LINGO2: variants seen among roughly 807,000 people sequenced by gnomAD.
LINGO2 encodes the protein leucine rich repeat and Ig domain containing 2, also known as leucine-rich repeat and immunoglobulin-like domain-containing nogo receptor-interacting protein 2.
In LINGO2, 14 loss-of-function variants were observed where a neutral mutation model predicts 30.6. The ratio of observed to expected loss-of-function variants is 0.46; its 90% CI spans 0.30 to 0.72. The LOEUF is 0.72. Among genes scored for constraint, LINGO2 ranks in the 30% least tolerant of loss-of-function variants. The pLI is 0.07. For synonymous variants in LINGO2, 317 were observed against 288.5 expected, an observed-to-expected ratio of 1.10 and a Z score of -1.00; for missense variants, 729 against 751.7, an observed-to-expected ratio of 0.97 and a Z score of 0.35.
intron 4 of LINGO2, among the ~76,000 whole-genome samples, chr9:28,136,834 G>A (rs1378830391): frequency 1.3e-5 from 2 of 152,148 alleles, no homozygotes; most frequent in Non-Finnish European, 2.9e-5. Context: ...ATTAACATTT[G>A]AACTGGTAAA....
the LINGO2 span, among the ~76,000 whole-genome samples, chr9:28,848,389 G>GTATATATA: frequency 7.7e-5 from 4 of 52,270 alleles, no homozygotes; most frequent in Non-Finnish European, 1.6e-4. Context: ...GTGTGTGTGT[G>GTATATATA]TGTGTGTGTA....
chr9:28,111,078 C>T (rs1290165128), intron 4 of LINGO2, among the ~76,000 whole-genome samples: 1 of 152,096 alleles, frequency 6.6e-6, no homozygotes, highest in African/African-American at 2.4e-5. Context: ...GAGTTCATGT[C>T]CTTTGCATGG....
chr9:27,953,252 AAT>A (rs1297465850), intron 5 of LINGO2, among the ~76,000 whole-genome samples: 1 of 152,182 alleles, frequency 6.6e-6, no homozygotes, highest in Admixed American at 6.5e-5. Flanking sequence ...ATCTAAGTTC[AAT>A]ATGTTAATTC....
At chr9:29,188,863 C>A in the LINGO2 span, among the ~76,000 whole-genome samples, 1 of 135,314 alleles carries the variant, frequency 7.4e-6, no homozygotes, top group African/African-American at 2.8e-5. Flanking sequence ...CCAGACAGGG[C>A]GGCTGGCCGG....
intron 4 of LINGO2, among the ~76,000 whole-genome samples, chr9:28,206,577 T>C (rs1820417410): frequency 1.3e-5 from 2 of 152,162 alleles, no homozygotes; most frequent in Non-Finnish European, 2.9e-5. Context: ...ATCTATGGTT[T>C]TCTGCAATCT....
chr9:28,860,547 T>G, the LINGO2 span, among the ~76,000 whole-genome samples: 1 of 151,932 alleles, frequency 6.6e-6, no homozygotes, highest in Non-Finnish European at 1.5e-5. Flanking sequence ...CAATTACTTA[T>G]GATAAATCCC....
intron 3 of LINGO2, among the ~76,000 whole-genome samples, chr9:28,320,747 A>G (rs545702366): frequency 6.6e-6 from 1 of 152,260 alleles, no homozygotes; most frequent in East Asian, 1.9e-4. Flanking sequence ...ATCCAATTCA[A>G]TAGAGGACTC....
At chr9:28,408,886 A>G (rs1822630798) in intron 2 of LINGO2, among the ~76,000 whole-genome samples, 1 of 152,102 alleles carries the variant, frequency 6.6e-6, no homozygotes, top group Non-Finnish European at 1.5e-5. Flanking sequence ...TAAAAAGGGA[A>G]GAATTTAGAA....
the LINGO2 span, among the ~76,000 whole-genome samples, chr9:29,140,131 AT>A: frequency 6.6e-6 from 1 of 152,142 alleles, no homozygotes; most frequent in African/African-American, 2.4e-5. Context: ...AAAGTTGGCT[AT>A]TTTTTCAAAT....
chr9:28,260,239 A>ATT (rs368518485), intron 4 of LINGO2, among the ~76,000 whole-genome samples: 5 of 141,226 alleles, frequency 3.5e-5, no homozygotes, highest in Non-Finnish European at 3.1e-5. Flanking sequence ...ATGACTTGTA[A>ATT]TTTTTTTTTT....
chr9:28,088,590 T>C (rs1052434023), intron 4 of LINGO2, among the ~76,000 whole-genome samples: 1 of 151,910 alleles, frequency 6.6e-6, no homozygotes, highest in African/African-American at 2.4e-5. Context: ...GTGCAACATA[T>C]GGAAGACCAC....
rs755053116 is a variant in LINGO2, at chr9:28,563,758, A to G, written c.-364-87733T>C. On this transcript the variant is annotated intron_variant, in intron 1 of 5. Transcript: ENST00000379992. ...ATCTTTGTGGAGACTATGATGCTCA[A>G]TCAGACATTTTGGCTAACATACTAG... Among the ~76,000 whole-genome samples the G allele has an allele frequency of 1.2e-4, 19 of 152,284 alleles. 1 individual carries two copies. The highest frequency in any genetic ancestry group is 4.6e-4 in the African/African-American group (19 of 41,586).
the LINGO2 span, among the ~76,000 whole-genome samples, chr9:29,057,083 A>T: frequency 6.6e-6 from 1 of 151,932 alleles, no homozygotes; most frequent in Admixed American, 6.6e-5. Context: ...TTTGGTTTTA[A>T]GATTGGAATT....
chr9:28,372,708 C>T (rs1331870), intron 3 of LINGO2, 128 bp downstream of exon 5: 152,055 of 152,730 alleles, frequency 1, 75,696 homozygotes, highest in Middle Eastern at 1. Context: ...AGAATTTAAA[C>T]TGATGGATAT....
At chr9:29,176,869 C>T in the LINGO2 span, among the ~76,000 whole-genome samples, 9 of 152,168 alleles carry the variant, frequency 5.9e-5, no homozygotes, top group African/African-American at 2.2e-4. Flanking sequence ...TCAAATAATT[C>T]CTTTCTCTGA....
intron 1 of LINGO2, among the ~76,000 whole-genome samples, chr9:28,653,990 A>G (rs1206223503): frequency 6.6e-6 from 1 of 152,098 alleles, no homozygotes; most frequent in Non-Finnish European, 1.5e-5. Flanking sequence ...TATATTTTTT[A>G]CGTTTATCTA....
At chr9:28,196,377 T>A (rs1324078245) in intron 4 of LINGO2, among the ~76,000 whole-genome samples, 2 of 151,776 alleles carry the variant, frequency 1.3e-5, no homozygotes, top group Non-Finnish European at 1.5e-5. Flanking sequence ...ATTAAAACTG[T>A]AGAAAGTAAT....
At chr9:28,193,989 G>A (rs1819919465) in intron 4 of LINGO2, among the ~76,000 whole-genome samples, 1 of 152,100 alleles carries the variant, frequency 6.6e-6, no homozygotes, top group Non-Finnish European at 1.5e-5. Context: ...GGAATTGTAT[G>A]GCATTTTTAT....
At chr9:28,009,945 A>G (rs1415801874) in intron 5 of LINGO2, among the ~76,000 whole-genome samples, 2 of 152,222 alleles carry the variant, frequency 1.3e-5, no homozygotes, top group Non-Finnish European at 2.9e-5. Flanking sequence ...CATTTTTCAT[A>G]ATAGCCAAAA....
Sources: gnomAD v4.1 joint callset for allele counts (sites outside exome capture counted in the v4.1 genomes callset) on GRCh38, gnomAD v4.1.1 for gene constraint, MANE v1.5 for transcripts, NCBI Gene and HGNC (gene_info 2026-07-23, HGNC 2026-07-21) for gene names.